The following ZSCAN5A variants were observed in gnomAD, a reference collection of about 807,000 sequenced individuals.
The protein encoded by ZSCAN5A is zinc finger and SCAN domain-containing protein 5A.
Under a neutral mutation model 23.7 loss-of-function variants are expected in ZSCAN5A, and 12 were observed. That is an observed-to-expected ratio of 0.51 (90% CI 0.32 to 0.82). ZSCAN5A has a LOEUF of 0.82. ZSCAN5A is among the 40% of genes least tolerant of loss of function. The pLI is 0.03. For missense variants in ZSCAN5A, 597 were observed against 617.9 expected (o/e 0.97, Z 0.36); for synonymous variants, 257 against 239.9 (o/e 1.07, Z -0.66).
At chr19:56,311,068 A>T (rs922424429) in intron 2 of ZSCAN5A, among the ~76,000 whole-genome samples, 2 of 152,220 alleles carry the variant, frequency 1.3e-5, no homozygotes, top group Non-Finnish European at 2.9e-5. Flanking sequence ...GGCATTTGCT[A>T]ATCTTTTGAT....
intron 2 of ZSCAN5A, among the ~76,000 whole-genome samples, chr19:56,257,565 C>G (rs1224991327): frequency 6.7e-6 from 1 of 148,940 alleles, no homozygotes; most frequent in Non-Finnish European, 1.5e-5. Context: ...CCGGGGGACT[C>G]TGCAAGCCTT....
chr19:56,286,512 TTGAG>T (rs1301556590), intron 2 of ZSCAN5A: 4 of 152,254 alleles, frequency 2.6e-5, no homozygotes, highest in South Asian at 2.1e-4. Context: ...TTTATACCGC[TTGAG>T]TAAGTGGTCA....
chr19:56,288,309 G>A (rs1041521717), intron 2 of ZSCAN5A, among the ~76,000 whole-genome samples: 2 of 152,146 alleles, frequency 1.3e-5, no homozygotes, highest in African/African-American at 2.4e-5. Flanking sequence ...CGCCCACATC[G>A]TTCCCTCTGT....
Position 56,279,121 on chromosome 19 carries a change from G to A in ZSCAN5A, c.-128+34162C>T, listed in dbSNP as rs183005780. Among the ~76,000 whole-genome samples, 4 of 152,238 alleles carry A rather than the reference G, an allele frequency of 2.6e-5. No individual in the cohort carries two copies. The East Asian group carries it at 5.8e-4, about 22-fold the overall frequency. ...GCCTACTGAAGCATTGAGAATAAACGTCTTACTGCTATATGGGTGCCTTAG... is the reference window on the plus strand; with the variant it reads ...GCCTACTGAAGCATTGAGAATAAACATCTTACTGCTATATGGGTGCCTTAG... On this transcript the variant is annotated intron_variant, in intron 2 of 5. Coordinates refer to ENST00000683990, the MANE Select transcript of ZSCAN5A (RefSeq NM_001322064.3).
intron 2 of ZSCAN5A, among the ~76,000 whole-genome samples, chr19:56,241,815 C>T (rs1219242968): frequency 6.6e-6 from 1 of 152,172 alleles, no homozygotes; most frequent in Non-Finnish European, 1.5e-5. Flanking sequence ...TTCATGTCAT[C>T]TACTTCTTTT....
intron 2 of ZSCAN5A, among the ~76,000 whole-genome samples, chr19:56,264,381 A>C (rs762758107): frequency 5.9e-5 from 9 of 152,196 alleles, no homozygotes; most frequent in Non-Finnish European, 1.0e-4. Flanking sequence ...GCTCATGCTC[A>C]TTCCACTACA....
intron 2 of ZSCAN5A, chr19:56,297,538 G>A: frequency 2.0e-6 from 2 of 984,662 alleles, no homozygotes; most frequent in Non-Finnish European, 2.4e-6. Flanking sequence ...GAAGGTAAGT[G>A]CTTGGGGTCG....
chr19:56,246,685 G>A, intron 2 of ZSCAN5A: 1 of 972,676 alleles, frequency 1.0e-6, no homozygotes, highest in African/African-American at 1.6e-5. Flanking sequence ...TTGGTGTATT[G>A]AAAATGTACC....
intron 2 of ZSCAN5A, chr19:56,303,128 T>A: frequency 2.7e-6 from 1 of 372,448 alleles, no homozygotes; most frequent in Non-Finnish European, 4.8e-6. Context: ...AGGGGAAGCA[T>A]TCCAGAGAAA....
intron 2 of ZSCAN5A, among the ~76,000 whole-genome samples, chr19:56,304,210 A>G (rs954131407): frequency 6.6e-6 from 1 of 152,336 alleles, no homozygotes; most frequent in African/African-American, 2.4e-5. Context: ...GGCGGTGCTC[A>G]TGGAGATGAG....
rs1457682070 is a variant in ZSCAN5A, at chr19:56,358,385, C to T, written c.-358+4850G>A. 8.1e-5 allele frequency among the ~76,000 whole-genome samples: 12 copies of T among 148,834 alleles called. 2 individuals carry two copies. Among genetic ancestry groups the T allele is most frequent in the Non-Finnish European group, 3.0e-5 (2 of 67,266 alleles). On this transcript the variant is annotated intron_variant, in intron 2 of 6. Transcript: ENST00000587340. ...ATCCACCCGCCTCAGCCTCCCAAAG[C>T]GCTGGGATTACAGGCGTGAGCCTCC...
intron 2 of ZSCAN5A, among the ~76,000 whole-genome samples, chr19:56,232,068 GCC>G (rs1265281099): frequency 6.8e-6 from 1 of 147,472 alleles, no homozygotes; most frequent in Non-Finnish European, 1.5e-5. Context: ...GCTCACTGCA[GCC>G]TCAACTTCTC....
chr19:56,258,538 C>G (rs2036892210), intron 2 of ZSCAN5A, among the ~76,000 whole-genome samples: 1 of 149,110 alleles, frequency 6.7e-6, no homozygotes, highest in Admixed American at 6.7e-5. Flanking sequence ...GACAGACACA[C>G]CTTCCAGTGT....
intron 2 of ZSCAN5A, among the ~76,000 whole-genome samples, chr19:56,242,372 G>T (rs1003982564): frequency 6.6e-6 from 1 of 152,154 alleles, no homozygotes. Context: ...CACTTCTAGC[G>T]GGTTATGTGT....
chr19:56,231,951 A>G (rs925841343), intron 2 of ZSCAN5A, among the ~76,000 whole-genome samples: 1 of 151,622 alleles, frequency 6.6e-6, no homozygotes, highest in African/African-American at 2.4e-5. Flanking sequence ...CTGTGTCATT[A>G]CAGATCACGG....
At chr19:56,289,135 G>A (rs998804479) in intron 2 of ZSCAN5A, among the ~76,000 whole-genome samples, 4 of 152,118 alleles carry the variant, frequency 2.6e-5, no homozygotes, top group Admixed American at 1.3e-4. Context: ...GGTTTGTAGC[G>A]ACTACCACTT....
At chr19:56,364,787 C>T (rs1568769321) in intron 1 of ZSCAN5A, among the ~76,000 whole-genome samples, 1 of 152,188 alleles carries the variant, frequency 6.6e-6, no homozygotes, top group Non-Finnish European at 1.5e-5. Flanking sequence ...TAACATTATG[C>T]TAAGAGAAGC....
intron 2 of ZSCAN5A, among the ~76,000 whole-genome samples, chr19:56,274,126 T>C (rs2038068231): frequency 6.6e-6 from 1 of 152,042 alleles, no homozygotes; most frequent in Non-Finnish European, 1.5e-5. Context: ...TATTTGCAAC[T>C]GGGGAATTGA....
intron 2 of ZSCAN5A, chr19:56,246,980 T>C (rs905767614): frequency 7.1e-7 from 1 of 1,406,248 alleles, no homozygotes; most frequent in Non-Finnish European, 1.0e-6. Flanking sequence ...AAACCTGAGA[T>C]AAATTCAGTT....
Sources: allele counts gnomAD v4.1 joint callset (sites outside exome capture counted in the v4.1 genomes callset), GRCh38; gene constraint gnomAD v4.1.1; transcripts MANE v1.5; gene names NCBI Gene and HGNC (gene_info 2026-07-23, HGNC 2026-07-21).